CREB5: variants seen among roughly 807,000 people sequenced by gnomAD.
CREB5 encodes the protein cAMP responsive element binding protein 5.
In CREB5, 19 loss-of-function variants were observed where a neutral mutation model predicts 57.1. The ratio of observed to expected loss-of-function variants is 0.33; its 90% confidence interval spans 0.23 to 0.49. The LOEUF is 0.49. Among genes scored for constraint, CREB5 ranks in the 20% least tolerant of loss-of-function variants. CREB5 has a pLI of 0.99. For missense variants in CREB5, 579 were observed against 671.6 expected (o/e 0.86, Z 1.52); for synonymous variants, 238 against 238.3 (o/e 1.00, Z 0.01).
At chr7:28,395,348 A>G (rs1163202981) in intron 1 of CREB5, among the ~76,000 whole-genome samples, 1 of 152,210 alleles carries the variant, frequency 6.6e-6, no homozygotes, top group Non-Finnish European at 1.5e-5. Flanking sequence ...CTTTTATACA[A>G]TCCTCATTCC....
At chr7:28,453,630 C>G (rs1206782662) in intron 1 of CREB5, among the ~76,000 whole-genome samples, 1 of 152,228 alleles carries the variant, frequency 6.6e-6, no homozygotes, top group Non-Finnish European at 1.5e-5. Context: ...ATCCCTGATC[C>G]TTGCCCACTA....
At chr7:28,770,489 A>T (rs1385079570) in intron 7 of CREB5, among the ~76,000 whole-genome samples, 5 of 152,188 alleles carry the variant, frequency 3.3e-5, no homozygotes, top group Admixed American at 6.5e-5. Context: ...ACTTTTTTTT[A>T]TATGAGTGGG....
At chr7:28,647,134 G>A (rs551387955) in intron 5 of CREB5, among the ~76,000 whole-genome samples, 2 of 151,552 alleles carry the variant, frequency 1.3e-5, no homozygotes, top group Non-Finnish European at 2.9e-5. Flanking sequence ...CACCAAAGAC[G>A]CAGAGATCAG....
chr7:28,563,814 T>A (rs1795372606), intron 4 of CREB5, among the ~76,000 whole-genome samples: 1 of 27,698 alleles, frequency 3.6e-5, no homozygotes, highest in Admixed American at 3.7e-4. Context: ...CTTGTGTGTG[T>A]TTCTTACCTG....
chr7:28,490,349 C>G (rs1791744997), intron 2 of CREB5, among the ~76,000 whole-genome samples: 1 of 152,098 alleles, frequency 6.6e-6, no homozygotes, highest in Non-Finnish European at 1.5e-5. Context: ...GAGGTAAATG[C>G]CAGTCTCCAC....
intron 1 of CREB5, among the ~76,000 whole-genome samples, chr7:28,333,052 T>C (rs879498610): frequency 6.6e-6 from 1 of 152,254 alleles, no homozygotes; most frequent in Non-Finnish European, 1.5e-5. Context: ...CAGACTGCTA[T>C]TGTCTTTTGA....
intron 2 of CREB5, chr7:28,491,324 G>A (rs1791797838): frequency 4.5e-6 from 4 of 881,322 alleles, no homozygotes; most frequent in Non-Finnish European, 5.4e-6. Context: ...CAAACCTGGG[G>A]AGGAGTGGGG....
chr7:28,560,969 T>TGCGTGCGC lies in CREB5; in HGVS notation c.292-9395_292-9394insCGTGCGCG, dbSNP rs1395767512. On this transcript the variant is annotated intron_variant, in intron 4 of 10. Coordinates refer to ENST00000357727, the MANE Select transcript of CREB5 (RefSeq NM_182898.4). ...GTGTGTGCGTGTGTGTGCGTGTGTG[T>TGCGTGCGC]GTGCGTGTGTGCGTGCGTGTGTGTG... Among the ~76,000 whole-genome samples the TGCGTGCGC allele has an allele frequency of 5.9e-3, 147 of 24,940 alleles. 4 individuals carry two copies. Among genetic ancestry groups the TGCGTGCGC allele is most frequent in the African/African-American group, 0.012 (113 of 9,374 alleles). The allele number at this position is 24,940 out of a possible 152,430, so 16.4% of individuals were successfully genotyped here.
chr7:28,348,408 T>TCTCTCTCTCACACA (rs1376338798), intron 1 of CREB5, among the ~76,000 whole-genome samples: 1 of 118,116 alleles, frequency 8.5e-6, no homozygotes, highest in African/African-American at 3.2e-5. Flanking sequence ...TCTCTCTCTC[T>TCTCTCTCTCACACA]CACACACACA....
intron 7 of CREB5, among the ~76,000 whole-genome samples, chr7:28,737,973 T>C (rs1479516419): frequency 6.6e-6 from 1 of 152,208 alleles, no homozygotes; most frequent in East Asian, 1.9e-4. Context: ...TATTTTCAAA[T>C]TGTAAACACA....
At chr7:28,337,715 AGTAAAAACATTCCTGC>A (rs1375396225) in intron 1 of CREB5, among the ~76,000 whole-genome samples, 1 of 152,092 alleles carries the variant, frequency 6.6e-6, no homozygotes, top group African/African-American at 2.4e-5. Flanking sequence ...ATTATTGATA[AGTAAAAACATTCCTGC>A]CATTTTGTTA....
intron 7 of CREB5, 118 bp downstream of exon 7, chr7:28,724,450 G>A (rs1803224627): frequency 5.0e-6 from 4 of 798,064 alleles, no homozygotes; most frequent in Non-Finnish European, 8.2e-6. Flanking sequence ...TTTGGTGAAT[G>A]AAAGGCAGTG....
intron 1 of CREB5, among the ~76,000 whole-genome samples, chr7:28,361,758 T>G (rs991845659): frequency 6.6e-6 from 1 of 152,172 alleles, no homozygotes; most frequent in Non-Finnish European, 1.5e-5. Context: ...CAGCCAAAAC[T>G]CTTGACTGAT....
chr7:28,672,188 A>C (rs3926366), intron 5 of CREB5, among the ~76,000 whole-genome samples: 117,346 of 147,228 alleles, frequency 0.8, 47,257 homozygotes, highest in African/African-American at 0.91. Context: ...AAAAAAAAAA[A>C]ACACACACAC....
intron 5 of CREB5, among the ~76,000 whole-genome samples, chr7:28,696,710 T>G (rs558640188): frequency 3.3e-5 from 5 of 152,212 alleles, no homozygotes; most frequent in Non-Finnish European, 7.4e-5. Context: ...TATATACACC[T>G]ACACATATAT....
In CREB5 at chr7:28,459,115, G is replaced by T. The variant is rs145144639; in HGVS notation, c.4-29060G>T. Among the ~76,000 whole-genome samples, 80 of 152,246 alleles carry T rather than the reference G, an allele frequency of 5.3e-4. 1 individual carries two copies. The highest frequency in any genetic ancestry group is 1.8e-3 in the African/African-American group (76 of 41,544). ...ACCCATCCAGTGACCATCCACTAAC[G>T]CCCCAGTGAAAGTGGGCTTTATTTG... On this transcript the variant is annotated intron_variant, in intron 1 of 10. Coordinates refer to ENST00000357727, the MANE Select transcript of CREB5 (RefSeq NM_182898.4).
chr7:28,333,732 T>C (rs1237738552), intron 1 of CREB5, among the ~76,000 whole-genome samples: 1 of 152,232 alleles, frequency 6.6e-6, no homozygotes, highest in African/African-American at 2.4e-5. Flanking sequence ...GATCTCATTC[T>C]TTTTTATGGC....
chr7:28,374,494 A>G (rs1011632115), intron 1 of CREB5, among the ~76,000 whole-genome samples: 7 of 152,244 alleles, frequency 4.6e-5, no homozygotes, highest in African/African-American at 1.4e-4. Context: ...ATACAATGGA[A>G]TAACTCAGCA....
intron 7 of CREB5, among the ~76,000 whole-genome samples, chr7:28,773,830 T>C (rs532962755): frequency 1.1e-3 from 162 of 152,332 alleles, no homozygotes; most frequent in African/African-American, 3.7e-3. Context: ...TCAGGGCTAA[T>C]TTTTAGTGAG....
Sources: gnomAD v4.1 joint callset for allele counts (sites outside exome capture counted in the v4.1 genomes callset) on GRCh38, gnomAD v4.1.1 for gene constraint, MANE v1.5 for transcripts, NCBI Gene and HGNC (gene_info 2026-07-23, HGNC 2026-07-21) for gene names.